Variants in TMEM255B observed in about 807,000 individuals in gnomAD.
TMEM255B encodes the protein family with sequence similarity 70, member B.
TMEM255B carries 35 observed loss-of-function variants against 34.5 expected under a neutral mutation model. The observed-to-expected ratio is 1.01, with a 90% CI of 0.77 to 1.34. The LOEUF is 1.34. Ranked by LOEUF, TMEM255B falls within the 40% of genes most tolerant of loss-of-function variation. TMEM255B has a pLI of 0.00. For synonymous variants in TMEM255B, 206 were observed against 201.2 expected (o/e 1.02, Z -0.20); for missense variants, 432 against 433.2 (o/e 1.00, Z 0.02).
chr13:113,799,600 C>G (rs1029664998), intron 5 of TMEM255B, 181 bp downstream of exon 5: 5 of 641,438 alleles, frequency 7.8e-6, no homozygotes, highest in Middle Eastern at 3.1e-4. Context: ...TTTCGATGTG[C>G]TGTATTTCAC....
At chr13:113,768,058 T>C in intron 2 of TMEM255B, 1 of 387,488 alleles carries the variant, frequency 2.6e-6, no homozygotes, top group Middle Eastern at 6.6e-4. Context: ...GCAAAACTAT[T>C]TACATAAAGA....
chr13:113,787,051 A>G (rs2050757414), intron 3 of TMEM255B, among the ~76,000 whole-genome samples: 1 of 152,212 alleles, frequency 6.6e-6, no homozygotes, highest in African/African-American at 2.4e-5. Flanking sequence ...TCGTTGTTTC[A>G]TACCTGGACT....
intron 3 of TMEM255B, among the ~76,000 whole-genome samples, chr13:113,780,243 G>A (rs1374363777): frequency 6.6e-6 from 1 of 152,200 alleles, no homozygotes; most frequent in Non-Finnish European, 1.5e-5. Flanking sequence ...GGCTTCATAA[G>A]TCAAGTTTGA....
intron 3 of TMEM255B, among the ~76,000 whole-genome samples, chr13:113,790,130 G>A (rs887615871): frequency 1.4e-5 from 2 of 145,662 alleles, no homozygotes; most frequent in African/African-American, 5.0e-5. Flanking sequence ...GGACATCCTA[G>A]TGCTGGACTG....
At chr13:113,800,752 G>A in intron 5 of TMEM255B, 75 bp from the exon 6 acceptor site, 8 of 1,430,748 alleles carry the variant, frequency 5.6e-6, no homozygotes, top group Non-Finnish European at 7.7e-6. Flanking sequence ...GCTCCCATGA[G>A]GCAGCCCTGC....
intron 4 of TMEM255B, among the ~76,000 whole-genome samples, chr13:113,798,523 A>T (rs2050982440): frequency 6.7e-6 from 1 of 149,764 alleles, no homozygotes; most frequent in Non-Finnish European, 1.5e-5. Flanking sequence ...GATGAATGGA[A>T]GGATGGATGA....
chr13:113,808,775 T>C (rs2051235105), intron 8 of TMEM255B, among the ~76,000 whole-genome samples: 2 of 91,892 alleles, frequency 2.2e-5, no homozygotes, highest in East Asian at 4.0e-4. Context: ...TTTCTGGCGG[T>C]GTAACTCTGT....
chr13:113,797,413 G>A lies in TMEM255B; in HGVS notation c.343-1926G>A, dbSNP rs71437261. Among the ~76,000 whole-genome samples the A allele has an allele frequency of 4.8e-3, 738 of 152,336 alleles. 2 individuals are homozygous for A. Among genetic ancestry groups the A allele is most frequent in the Non-Finnish European group, 6.1e-3 (418 of 68,034 alleles). On this transcript the variant is annotated intron_variant, in intron 4 of 8. Coordinates refer to ENST00000375353, the MANE Select transcript of TMEM255B (RefSeq NM_182614.4). ...TGCCTTCCAACTGTTGAGAGAGGCCGAGGACACCGTGCTGCTAGGCCTCTG... is the reference window on the plus strand; with the variant it reads ...TGCCTTCCAACTGTTGAGAGAGGCCAAGGACACCGTGCTGCTAGGCCTCTG...
At chr13:113,784,552 AGAAGGAGGAGAAG>A (rs907411207) in intron 3 of TMEM255B, among the ~76,000 whole-genome samples, 1 of 152,136 alleles carries the variant, frequency 6.6e-6, no homozygotes, top group Non-Finnish European at 1.5e-5. Context: ...AAGAAGAAGA[AGAAGGAGGAGAAG>A]GGAGGAGGAG....
chr13:113,784,162 G>C (rs2050705803), intron 3 of TMEM255B, among the ~76,000 whole-genome samples: 1 of 152,136 alleles, frequency 6.6e-6, no homozygotes, highest in Admixed American at 6.5e-5. Context: ...AGCCGAGCGG[G>C]GAGGGTGTAG....
intron 3 of TMEM255B, among the ~76,000 whole-genome samples, chr13:113,780,162 T>A (rs11617177): frequency 0.18 from 26,903 of 152,160 alleles, 2,843 homozygotes; most frequent in African/African-American, 0.29. Context: ...ATTCTTTACT[T>A]ACCCCAGATC....
In TMEM255B at chr13:113,782,956, A is replaced by G. The variant is rs144502166; in HGVS notation, c.253-12192A>G. ...TATATGGAGATGTTTGTCTTTTTGA[A>G]TTCTTTGTTCCTCGTTTGTGTTGTT... On this transcript the variant is annotated intron_variant, in intron 3 of 8. Coordinates refer to ENST00000375353, the MANE Select transcript of TMEM255B (RefSeq NM_182614.4). Among the ~76,000 whole-genome samples the G allele has an allele frequency of 5.3e-5, 8 of 152,226 alleles. No individual in the cohort carries two copies. In the East Asian group the frequency reaches 1.5e-3, roughly 29 times the overall value.
intron 2 of TMEM255B, chr13:113,768,834 C>A: frequency 1.8e-6 from 1 of 563,384 alleles, no homozygotes; most frequent in African/African-American, 1.9e-5. Context: ...GGGAACTTCT[C>A]TTACCCCAGA....
chr13:113,765,293 A>G (rs865818776), intron 1 of TMEM255B, among the ~76,000 whole-genome samples: 3 of 152,182 alleles, frequency 2.0e-5, no homozygotes, highest in Non-Finnish European at 2.9e-5. Flanking sequence ...TGTGAAACTC[A>G]TTTCTGAGGA....
At chr13:113,805,974 G>A (rs887214892) in intron 8 of TMEM255B, among the ~76,000 whole-genome samples, 6 of 152,252 alleles carry the variant, frequency 3.9e-5, no homozygotes, top group African/African-American at 1.2e-4. Context: ...AGCAGGCACC[G>A]TGATGTGTTT....
At chr13:113,794,007 T>C (rs1277875782) in intron 3 of TMEM255B, among the ~76,000 whole-genome samples, 1 of 152,202 alleles carries the variant, frequency 6.6e-6, no homozygotes, top group Non-Finnish European at 1.5e-5. Flanking sequence ...GTTAGAGCCT[T>C]GGCAGATGGG....
At chr13:113,805,946 G>A (rs2051163108) in intron 8 of TMEM255B, among the ~76,000 whole-genome samples, 2 of 152,202 alleles carry the variant, frequency 1.3e-5, no homozygotes, top group African/African-American at 2.4e-5. Flanking sequence ...GGCCCAGCCC[G>A]ATGAAGCTGC....
In TMEM255B at chr13:113,769,223, C is replaced by G; in HGVS notation, c.252+63C>G. ...CTCATCAGGGGATGGTACAGCTGCA[C>G]TGGGGCTCTGAGAAGAGTCAGCCCT... On this transcript the variant is annotated intron_variant, in intron 3 of 8. Coordinates refer to ENST00000375353, the MANE Select transcript of TMEM255B (RefSeq NM_182614.4). The surrounding 1 kb of genome is among the most constrained non-coding windows in gnomAD (Gnocchi z 4.2). The G allele has an allele frequency of 1.3e-6, 2 of 1,576,560 alleles. No individual in the cohort carries two copies. The highest frequency in any genetic ancestry group is 4.5e-5 in the East Asian group (2 of 44,674).
At chr13:113,789,226 T>A (rs994791787) in intron 3 of TMEM255B, among the ~76,000 whole-genome samples, 2 of 152,060 alleles carry the variant, frequency 1.3e-5, no homozygotes, top group African/African-American at 4.8e-5. Context: ...GCAGAGGCAT[T>A]TGAAGGTGAC....
Sources: allele counts gnomAD v4.1 joint callset (sites outside exome capture counted in the v4.1 genomes callset), GRCh38; gene constraint gnomAD v4.1.1; non-coding constraint Gnocchi (gnomAD v3.1); transcripts MANE v1.5; gene names NCBI Gene and HGNC (gene_info 2026-07-23, HGNC 2026-07-21).